Variants in TMPRSS11F observed in about 807,000 individuals in gnomAD.
TMPRSS11F encodes transmembrane serine protease 11F.
A neutral mutation model predicts 60.2 loss-of-function variants in TMPRSS11F; 47 were observed. The ratio of observed to expected loss-of-function variants is 0.78; its 90% confidence interval spans 0.62 to 1.00. The LOEUF is 1.00. TMPRSS11F is among the 50% of genes least tolerant of loss of function. TMPRSS11F has a pLI of 0.00. For missense variants in TMPRSS11F, 519 were observed against 522.9 expected, an observed-to-expected ratio of 0.99 and a Z score of 0.07; for synonymous variants, 166 against 167.3, an observed-to-expected ratio of 0.99 and a Z score of 0.06.
At chr4:68,107,626 G>T (rs1448500125) in intron 1 of TMPRSS11F, among the ~76,000 whole-genome samples, 2 of 152,100 alleles carry the variant, frequency 1.3e-5, no homozygotes, top group Admixed American at 6.6e-5. Flanking sequence ...AGATGATGGG[G>T]TCAGAGATCA....
At chr4:68,082,984 C>A (rs1723737073) in intron 3 of TMPRSS11F, among the ~76,000 whole-genome samples, 1 of 152,178 alleles carries the variant, frequency 6.6e-6, no homozygotes, top group African/African-American at 2.4e-5. Context: ...ACTCAGGAAG[C>A]AAACAGAAGG....
chr4:68,105,087 G>A (rs1246911502), intron 1 of TMPRSS11F, among the ~76,000 whole-genome samples: 27 of 129,456 alleles, frequency 2.1e-4, no homozygotes, highest in African/African-American at 7.8e-4. Context: ...AAGAGTTTGG[G>A]AAGTATTGGT....
At chr4:68,095,605 G>T (rs1724056073) in intron 2 of TMPRSS11F, among the ~76,000 whole-genome samples, 1 of 152,072 alleles carries the variant, frequency 6.6e-6, no homozygotes, top group Admixed American at 6.6e-5. Context: ...TGATAAAAAA[G>T]CACATGCCCT....
intron 2 of TMPRSS11F, among the ~76,000 whole-genome samples, chr4:68,094,859 T>A (rs1341523474): frequency 1.6e-5 from 1 of 62,688 alleles, no homozygotes; most frequent in African/African-American, 3.3e-5. Flanking sequence ...TATAAAGCAT[T>A]TTTTTTACCC....
intron 3 of TMPRSS11F, among the ~76,000 whole-genome samples, chr4:68,075,397 T>G (rs1158272053): frequency 6.6e-6 from 1 of 152,110 alleles, no homozygotes; most frequent in East Asian, 1.9e-4. Context: ...CCTGAGTATA[T>G]TAGACCCTGC....
intron 1 of TMPRSS11F, among the ~76,000 whole-genome samples, chr4:68,108,135 A>T (rs138020330): frequency 1.2e-3 from 190 of 152,324 alleles, no homozygotes; most frequent in South Asian, 5.8e-3. Context: ...GATGCTAGCA[A>T]CGAGGAAATC....
rs1722987609 is a variant in TMPRSS11F at position 68,053,781 on chromosome 4, G to T, written c.*128C>A. 6 of 894,262 alleles carry T rather than the reference G, an allele frequency of 6.7e-6. No homozygotes were observed. The highest frequency in any genetic ancestry group is 1.7e-5 in the African/African-American group (1 of 59,992). 55.4% of individuals were successfully genotyped at this position (894,262 alleles called of 1,614,324 possible). A position where few individuals can be genotyped will look rare whatever the true frequency, so the allele number is the denominator to read the frequency against. On this transcript the variant is annotated 3_prime_UTR_variant, in exon 10 of 10. Coordinates refer to ENST00000356291, the MANE Select transcript of TMPRSS11F (RefSeq NM_207407.2). ...AAGGCCACCTCAGGATATTAGATTT[G>T]TCTGGGTCTGAAGGGCTTCTTGACA... is the stretch of plus-strand genomic sequence containing the variant.
At chr4:68,099,601 C>G (rs1412260127) in intron 1 of TMPRSS11F, among the ~76,000 whole-genome samples, 1 of 152,196 alleles carries the variant, frequency 6.6e-6, no homozygotes, top group Non-Finnish European at 1.5e-5. Flanking sequence ...CTTTTTCCAA[C>G]TTGAAAGTTG....
chr4:68,106,097 T>A (rs577087743), intron 1 of TMPRSS11F, among the ~76,000 whole-genome samples: 2 of 152,306 alleles, frequency 1.3e-5, no homozygotes, highest in South Asian at 4.1e-4. Context: ...ATAACTATCA[T>A]TATTATGTCC....
chr4:68,089,902 CT>C (rs2109863559), intron 3 of TMPRSS11F, among the ~76,000 whole-genome samples: 1 of 152,170 alleles, frequency 6.6e-6, no homozygotes, highest in African/African-American at 2.4e-5. Context: ...AGCTAATATA[CT>C]GAATTTTGCT....
At chr4:68,069,324 C>A (rs1281482143) in intron 6 of TMPRSS11F, among the ~76,000 whole-genome samples, 1 of 152,098 alleles carries the variant, frequency 6.6e-6, no homozygotes, top group Non-Finnish European at 1.5e-5. Context: ...TAAAGAGAAT[C>A]AATTTATTGT....
At chr4:68,119,845 G>T (rs1037335730) in intron 1 of TMPRSS11F, among the ~76,000 whole-genome samples, 19 of 152,214 alleles carry the variant, frequency 1.2e-4, no homozygotes, top group African/African-American at 4.6e-4. Context: ...TGTTATTTAA[G>T]ACATACATTG....
Position 68,073,969 on chromosome 4 carries a change from A to G in TMPRSS11F, c.323T>C (p.Phe108Ser). 6.3e-7 allele frequency: 1 copy of G among 1,586,868 alleles called. No individual in the cohort carries two copies. The highest frequency in any genetic ancestry group is 1.2e-5 in the South Asian group (1 of 85,642). ...IFRHSSVGGR[F>S]IKSHVIKLSP... ...TAATTTGATAACATGAGATTTGATA[A>G]ATCGACCGCCTACAGAAGAATGTCG... The change falls in exon 4 of 10, where the codon TTT becomes TCT. Residue 108 changes from phenylalanine (F) to serine (S), a missense_variant. Transcript: ENST00000356291.
chr4:68,125,753 C>A (rs1303261762), intron 1 of TMPRSS11F, among the ~76,000 whole-genome samples: 2 of 152,166 alleles, frequency 1.3e-5, no homozygotes, highest in African/African-American at 4.8e-5. Flanking sequence ...ACAGACTTAT[C>A]TTCTTGGTCA....
chr4:68,122,242 T>G (rs1321294966), intron 1 of TMPRSS11F, among the ~76,000 whole-genome samples: 2 of 152,180 alleles, frequency 1.3e-5, no homozygotes, highest in African/African-American at 2.4e-5. Context: ...TTAAACTTTG[T>G]GTAAAAATAC....
intron 1 of TMPRSS11F, among the ~76,000 whole-genome samples, chr4:68,112,205 C>G (rs530581674): frequency 1.1e-3 from 168 of 152,288 alleles, no homozygotes; most frequent in Admixed American, 2.2e-3. Flanking sequence ...TTCAGTGAGT[C>G]TAGCTTCCCT....
rs1365120957 is a variant in TMPRSS11F, at chr4:68,072,477, T to C, written c.360A>G (p.Glu120=). The change falls in exon 5 of 10, where the codon GAA becomes GAG. Residue 120 remains glutamate, a synonymous_variant. Transcript: ENST00000356291. Reference sequence around the variant, plus strand: ...GCACTATAAGAATATCCACACCTTGTTCATCTGGACTGAAGAACAAAAAAG... The same window carrying C: ...GCACTATAAGAATATCCACACCTTGCTCATCTGGACTGAAGAACAAAAAAG... ...KSHVIKLSPD[E]QGVDILIVLI... The C allele has an allele frequency of 6.5e-6, 10 of 1,549,034 alleles. No individual in the cohort carries two copies. The highest frequency in any genetic ancestry group is 5.4e-5 in the Admixed American group (3 of 55,304).
chr4:68,072,817 G>C (rs201365515), intron 4 of TMPRSS11F, among the ~76,000 whole-genome samples: 2 of 152,084 alleles, frequency 1.3e-5, no homozygotes, highest in East Asian at 3.9e-4. Flanking sequence ...TACTTAAAAG[G>C]CTTGCTTTTT....
intron 1 of TMPRSS11F, among the ~76,000 whole-genome samples, chr4:68,103,554 A>G (rs998581839): frequency 1.3e-5 from 2 of 152,050 alleles, no homozygotes; most frequent in Non-Finnish European, 2.9e-5. Context: ...CACTGTTTTG[A>G]TTAACATAGC....
Sources: gnomAD v4.1 joint callset for allele counts (sites outside exome capture counted in the v4.1 genomes callset) on GRCh38, gnomAD v4.1.1 for gene constraint, MANE v1.5 for transcripts, NCBI Gene and HGNC (gene_info 2026-07-23, HGNC 2026-07-21) for gene names.